MKLN1: variants seen among roughly 807,000 people sequenced by gnomAD.
MKLN1 encodes muskelin 1.
A neutral mutation model predicts 99.0 loss-of-function variants in MKLN1; 18 were observed. The ratio of observed to expected loss-of-function variants is 0.18; its 90% CI spans 0.13 to 0.27. The LOEUF is 0.27. Among genes scored for constraint, MKLN1 ranks in the 10% least tolerant of loss-of-function variants. The probability of loss-of-function intolerance (pLI) is 1.00; values close to 1 mark genes in which losing one functional copy is unlikely to be tolerated. For missense variants in MKLN1, 621 were observed against 875.9 expected (o/e 0.71, Z 3.67); for synonymous variants, 288 against 293.2 (o/e 0.98, Z 0.18).
intron 6 of MKLN1, among the ~76,000 whole-genome samples, chr7:131,407,367 C>T (rs1214921592): frequency 6.6e-6 from 1 of 151,812 alleles, no homozygotes; most frequent in Non-Finnish European, 1.5e-5. Context: ...TGGCTACTTT[C>T]ATCTATTGCA....
chr7:131,237,392 C>T (rs73491153), intron 3 of MKLN1, among the ~76,000 whole-genome samples: 4,445 of 152,132 alleles, frequency 0.029, 191 homozygotes, highest in African/African-American at 0.1. Flanking sequence ...ATCACCTGGT[C>T]CAACTACCTC....
At chr7:131,152,925 T>C (rs1204078422) in intron 2 of MKLN1, among the ~76,000 whole-genome samples, 1 of 152,038 alleles carries the variant, frequency 6.6e-6, no homozygotes, top group Non-Finnish European at 1.5e-5. Context: ...AACCAAGTTG[T>C]TTGTCCTGTA....
rs1795717754 is a variant in MKLN1, at chr7:131,140,672, T to C, written c.-418-2148T>C. Among the ~76,000 whole-genome samples, 3 of 152,326 alleles carry C rather than the reference T, an allele frequency of 2.0e-5. No individual in the cohort carries two copies. The South Asian group carries it at 6.2e-4, about 32-fold the overall frequency. On this transcript the variant is annotated intron_variant, in intron 1 of 7. Transcript: ENST00000416992. ...GCAGATATGACTGCCATGCTTCTTA[T>C]ACGGCCTGCAGAACTGTGAGCCAAA... is the stretch of plus-strand genomic sequence containing the variant.
chr7:131,247,509 T>C (rs1797510527), intron 3 of MKLN1, among the ~76,000 whole-genome samples: 1 of 152,070 alleles, frequency 6.6e-6, no homozygotes, highest in Admixed American at 6.6e-5. Flanking sequence ...CCACCATGCC[T>C]GGCTTACTGA....
intron 10 of MKLN1, among the ~76,000 whole-genome samples, chr7:131,440,717 T>TAC (rs1795812994): frequency 6.6e-6 from 1 of 151,442 alleles, no homozygotes; most frequent in African/African-American, 2.4e-5. Context: ...AGAGCCAACA[T>TAC]ATATATATAT....
chr7:131,306,634 A>G (rs1401350505), intron 3 of MKLN1, among the ~76,000 whole-genome samples: 2 of 151,338 alleles, frequency 1.3e-5, no homozygotes, highest in African/African-American at 4.8e-5. Flanking sequence ...AGCAGAAGAA[A>G]TTTCTAAGCA....
intron 2 of MKLN1, among the ~76,000 whole-genome samples, chr7:131,143,344 G>T (rs143688073): frequency 6.6e-6 from 1 of 152,148 alleles, no homozygotes; most frequent in African/African-American, 2.4e-5. Context: ...GCAGGTGCCT[G>T]TAATTCCGCT....
chr7:131,474,333 G>A (rs1796907668), intron 16 of MKLN1, among the ~76,000 whole-genome samples: 1 of 152,138 alleles, frequency 6.6e-6, no homozygotes. Flanking sequence ...AAAGTTCTGT[G>A]GGGAACTGGT....
intron 2 of MKLN1, among the ~76,000 whole-genome samples, chr7:131,162,689 C>T (rs1423909539): frequency 3.3e-5 from 5 of 152,138 alleles, no homozygotes; most frequent in African/African-American, 9.6e-5. Context: ...ATCTGAAATC[C>T]GAAATACTTG....
chr7:131,225,048 G>A (rs1241649793), intron 3 of MKLN1, among the ~76,000 whole-genome samples: 10 of 151,586 alleles, frequency 6.6e-5, no homozygotes, highest in African/African-American at 2.2e-4. Flanking sequence ...AGTCCAGGCT[G>A]GGCAACAGAG....
At chr7:131,168,830 T>A (rs879484655) in intron 2 of MKLN1, among the ~76,000 whole-genome samples, 1 of 152,036 alleles carries the variant, frequency 6.6e-6, no homozygotes, top group Non-Finnish European at 1.5e-5. Context: ...AGTTCACTTA[T>A]GTAGGAAGTT....
At chr7:131,176,447 A>C (rs918063245) in intron 2 of MKLN1, among the ~76,000 whole-genome samples, 1 of 152,196 alleles carries the variant, frequency 6.6e-6, no homozygotes, top group Non-Finnish European at 1.5e-5. Flanking sequence ...TTGGTACAAA[A>C]AGTGTATCTT....
At chr7:131,117,653 C>T (rs1409369208) in intron 1 of MKLN1, among the ~76,000 whole-genome samples, 4 of 152,016 alleles carry the variant, frequency 2.6e-5, no homozygotes, top group African/African-American at 9.7e-5. Flanking sequence ...ATTTTTTGGT[C>T]TGAAAAACAT....
At chr7:131,278,004 C>A (rs1797998742) in intron 3 of MKLN1, among the ~76,000 whole-genome samples, 1 of 151,956 alleles carries the variant, frequency 6.6e-6, no homozygotes, top group East Asian at 1.9e-4. Context: ...TTTCTTTAGT[C>A]TTTCTCTCTT....
chr7:131,168,625 C>T (rs2116328858), intron 2 of MKLN1, among the ~76,000 whole-genome samples: 1 of 152,242 alleles, frequency 6.6e-6, no homozygotes, highest in East Asian at 1.9e-4. Context: ...GGCTGAGAAA[C>T]TGAAGTGACT....
At position 131,187,239 on chromosome 7, in the gene MKLN1, C is replaced by T. The variant is rs1020553203; in HGVS notation, c.-296-15618C>T. On this transcript the variant is annotated intron_variant, in intron 2 of 7. Transcript: ENST00000416992. ...GGATTTGTTCAGTGTCATACTTGCT[C>T]TGGTACAAATGCTATATACTTTCCT... is the stretch of plus-strand genomic sequence containing the variant. Among the ~76,000 whole-genome samples, 4 of 152,044 alleles carry T rather than the reference C, an allele frequency of 2.6e-5. 1 individual carries two copies. In the South Asian group the frequency reaches 8.3e-4, roughly 32 times the overall value.
intron 2 of MKLN1, among the ~76,000 whole-genome samples, chr7:131,159,626 T>C (rs1206776144): frequency 6.6e-6 from 1 of 152,016 alleles, no homozygotes; most frequent in Non-Finnish European, 1.5e-5. Context: ...TAGAATTAGA[T>C]AGTAGAAATA....
intron 5 of MKLN1, among the ~76,000 whole-genome samples, chr7:131,398,093 A>T (rs1794412701): frequency 6.6e-6 from 1 of 152,182 alleles, no homozygotes; most frequent in African/African-American, 2.4e-5. Flanking sequence ...CTTCCTAAAC[A>T]CATTATTTTC....
chr7:131,194,000 TTTG>T (rs1221129242), intron 2 of MKLN1, among the ~76,000 whole-genome samples: 1 of 117,180 alleles, frequency 8.5e-6, no homozygotes, highest in Non-Finnish European at 1.8e-5. Flanking sequence ...CTTGCTTTGT[TTTG>T]TTTTTTTTTT....
Sources: gnomAD v4.1 joint callset for allele counts (sites outside exome capture counted in the v4.1 genomes callset) on GRCh38, gnomAD v4.1.1 for gene constraint, MANE v1.5 for transcripts, NCBI Gene and HGNC (gene_info 2026-07-23, HGNC 2026-07-21) for gene names.